The following CFAP161 variants were observed in gnomAD, a reference collection of about 807,000 sequenced individuals.
CFAP161 encodes cilia and flagella associated protein 161.
A neutral mutation model predicts 29.0 loss-of-function variants in CFAP161; 25 were observed. The observed-to-expected ratio is 0.86, with a 90% CI of 0.63 to 1.20. CFAP161 has a LOEUF of 1.20. CFAP161 is among the 50% of genes most tolerant of loss of function. The pLI is 0.00. For missense variants in CFAP161, 367 were observed against 371.9 expected, an observed-to-expected ratio of 0.99 and a Z score of 0.11; for synonymous variants, 116 against 137.4, an observed-to-expected ratio of 0.84 and a Z score of 1.09.
intron 1 of CFAP161, among the ~76,000 whole-genome samples, chr15:81,104,118 T>G (rs1894334265): frequency 6.6e-6 from 1 of 152,194 alleles, no homozygotes. Context: ...GTGATGGAGC[T>G]GGTTGTCAAG....
intron 2 of CFAP161, 128 bp downstream of exon 2, chr15:81,135,487 G>A: frequency 6.3e-6 from 3 of 472,844 alleles, no homozygotes; most frequent in Non-Finnish European, 1.1e-5. Flanking sequence ...TTAACATTAG[G>A]TATATCTCCT....
chr15:81,126,868 G>A (rs1169232372), intron 1 of CFAP161, among the ~76,000 whole-genome samples: 1 of 152,170 alleles, frequency 6.6e-6, no homozygotes, highest in Non-Finnish European at 1.5e-5. Context: ...AATGCCATAA[G>A]TGGTGAGTTT....
chr15:81,118,042 A>G (rs1228529627), intron 1 of CFAP161: 1 of 507,318 alleles, frequency 2.0e-6, no homozygotes, highest in Non-Finnish European at 3.6e-6. Context: ...AAAGAGGTCC[A>G]GGCTTTTTAG....
chr15:81,128,429 C>G (rs954571780), intron 2 of CFAP161, among the ~76,000 whole-genome samples: 3 of 152,182 alleles, frequency 2.0e-5, no homozygotes, highest in African/African-American at 4.8e-5. Context: ...GAGTAGATTC[C>G]ACCTCCAGAA....
chr15:81,107,833 ACATGGT>A (rs1262666169), intron 1 of CFAP161, among the ~76,000 whole-genome samples: 1 of 152,210 alleles, frequency 6.6e-6, no homozygotes. Flanking sequence ...ATGTGTATAA[ACATGGT>A]CTGAGACCCA....
chr15:81,146,163 T>G (rs534133725), intron 5 of CFAP161, among the ~76,000 whole-genome samples: 95 of 152,302 alleles, frequency 6.2e-4, no homozygotes, highest in South Asian at 1.7e-3. Flanking sequence ...GATGTGGACA[T>G]TCTGTGAAGT....
intron 1 of CFAP161, among the ~76,000 whole-genome samples, chr15:81,107,257 C>A (rs954940796): frequency 6.6e-6 from 1 of 152,202 alleles, no homozygotes; most frequent in Non-Finnish European, 1.5e-5. Context: ...ATGTGTCACA[C>A]ACGTCATCTT....
intron 1 of CFAP161, among the ~76,000 whole-genome samples, chr15:81,105,163 T>TCCGTCCCTC (rs1246992229): frequency 0.58 from 18,947 of 32,760 alleles, 6,923 homozygotes; most frequent in Non-Finnish European, 0.72. Flanking sequence ...CTCCCTCCCT[T>TCCGTCCCTC]CCTTCCTCCC....
At chr15:81,118,566 G>C (rs2683239) in intron 1 of CFAP161, among the ~76,000 whole-genome samples, 87,273 of 152,156 alleles carry the variant, frequency 0.57, 26,208 homozygotes, top group Non-Finnish European at 0.68. Flanking sequence ...CTGGCCCCGC[G>C]CTAGTCCGCG....
At chr15:81,147,221 G>A (rs1304731853) in intron 5 of CFAP161, among the ~76,000 whole-genome samples, 1 of 151,858 alleles carries the variant, frequency 6.6e-6, no homozygotes, top group Non-Finnish European at 1.5e-5. Context: ...TCAAAAGAAC[G>A]CAACTGCTTG....
At chr15:81,103,222 T>C (rs1251838717) in intron 1 of CFAP161, among the ~76,000 whole-genome samples, 1 of 152,222 alleles carries the variant, frequency 6.6e-6, no homozygotes, top group African/African-American at 2.4e-5. Flanking sequence ...ACTGTAGTGT[T>C]GTGATAAAGA....
intron 4 of CFAP161, among the ~76,000 whole-genome samples, chr15:81,139,104 C>G (rs1894861668): frequency 6.6e-6 from 1 of 152,002 alleles, no homozygotes; most frequent in South Asian, 2.1e-4. Flanking sequence ...GAGTTGTAGA[C>G]CAGCTTTGGC....
intron 1 of CFAP161, 134 bp downstream of exon 1, chr15:81,134,532 C>T (rs891995809): frequency 6.7e-6 from 6 of 898,002 alleles, no homozygotes; most frequent in Non-Finnish European, 8.5e-6. Context: ...TAAAATCCCC[C>T]ACTTCTCTAA....
At chr15:81,100,350 A>G (rs960983642) in intron 1 of CFAP161, among the ~76,000 whole-genome samples, 11 of 151,646 alleles carry the variant, frequency 7.3e-5, no homozygotes, top group African/African-American at 2.4e-4. Context: ...TGACGTACAG[A>G]TCAACTGCAT....
intron 1 of CFAP161, among the ~76,000 whole-genome samples, chr15:81,122,623 C>T (rs1894589264): frequency 6.6e-6 from 1 of 151,782 alleles, no homozygotes; most frequent in South Asian, 2.1e-4. Context: ...TCCCTTGTAG[C>T]TGGGATTACA....
intron 1 of CFAP161, among the ~76,000 whole-genome samples, chr15:81,119,914 A>ATAC (rs1894549725): frequency 6.6e-6 from 1 of 151,668 alleles, no homozygotes; most frequent in Non-Finnish European, 1.5e-5. Context: ...AAAAATAAAA[A>ATAC]TTTAAAAAAA....
At chr15:81,132,249 C>A, upstream of CFAP161, among the ~76,000 whole-genome samples, 1 of 152,064 alleles carries the variant, frequency 6.6e-6, no homozygotes, top group Admixed American at 6.5e-5. Context: ...TGTACTCCAG[C>A]CAGGTTGATA....
chr15:81,104,603 G>A (rs903335036), intron 1 of CFAP161, among the ~76,000 whole-genome samples: 6 of 152,166 alleles, frequency 3.9e-5, no homozygotes, highest in Non-Finnish European at 8.8e-5. Flanking sequence ...GATTGCATTT[G>A]GATCTCACAG....
chr15:81,129,945 CTT>C (rs35555346), upstream of CFAP161, among the ~76,000 whole-genome samples: 33 of 110,796 alleles, frequency 3.0e-4, no homozygotes, highest in South Asian at 8.5e-4. Context: ...TAATGTAAGG[CTT>C]TTTTTTTTTT....
Sources: allele counts gnomAD v4.1 joint callset (sites outside exome capture counted in the v4.1 genomes callset), GRCh38; gene constraint gnomAD v4.1.1; transcripts MANE v1.5; gene names NCBI Gene and HGNC (gene_info 2026-07-23, HGNC 2026-07-21).